BABAM2: variants seen among roughly 807,000 people sequenced by gnomAD.
The protein encoded by BABAM2 is BRISC and BRCA1 A complex member 2, also known as BRISC and BRCA1-A complex member 2.
In BABAM2, 31 loss-of-function variants were observed where a neutral mutation model predicts 54.7. That is an observed-to-expected ratio of 0.57 (90% confidence interval 0.43 to 0.77). The LOEUF (loss-of-function observed/expected upper bound fraction) is 0.77, where lower values mean the gene tolerates loss of function less well. BABAM2 is among the 30% of genes least tolerant of loss of function. The pLI, the probability that BABAM2 is intolerant of heterozygous loss-of-function variation, is 0.00. For synonymous variants in BABAM2, 167 were observed against 162.9 expected, an observed-to-expected ratio of 1.03 and a Z score of -0.19; for missense variants, 364 against 455.8, an observed-to-expected ratio of 0.80 and a Z score of 1.83.
At chr2:27,890,511 T>C, upstream of BABAM2, 1 of 619,276 alleles carries the variant, frequency 1.6e-6, no homozygotes, top group African/African-American at 1.9e-5. This position sits in a 1 kb window ranked among gnomAD's most constrained non-coding sequence, Gnocchi z 4.8. Flanking sequence ...AAGTGTCCCC[T>C]CTTCTTCCTG....
intron 7 of BABAM2, among the ~76,000 whole-genome samples, chr2:28,210,939 C>G (rs1430942603): frequency 6.6e-6 from 1 of 152,154 alleles, no homozygotes; most frequent in Admixed American, 6.5e-5. Flanking sequence ...GTTATTTCAT[C>G]CCAGTGTTAA....
At chr2:28,004,905 C>CATGTTA (rs1266359947) in intron 4 of BABAM2, among the ~76,000 whole-genome samples, 1 of 152,160 alleles carries the variant, frequency 6.6e-6, no homozygotes, top group African/African-American at 2.4e-5. Flanking sequence ...CCAAGGTTAA[C>CATGTTA]ATGAACTTTA....
At chr2:28,018,139 A>C (rs932605466) in intron 4 of BABAM2, among the ~76,000 whole-genome samples, 1 of 152,156 alleles carries the variant, frequency 6.6e-6, no homozygotes, top group Non-Finnish European at 1.5e-5. Context: ...ATTTCTTGCT[A>C]TCCTCACCCT....
At chr2:28,053,372 GA>G (rs1339354758) in intron 6 of BABAM2, among the ~76,000 whole-genome samples, 2 of 152,070 alleles carry the variant, frequency 1.3e-5, no homozygotes, top group African/African-American at 4.8e-5. Flanking sequence ...GGACCATAAA[GA>G]ATTCACACAG....
At chr2:27,912,719 G>A (rs1030953850) in intron 2 of BABAM2, among the ~76,000 whole-genome samples, 2 of 152,156 alleles carry the variant, frequency 1.3e-5, no homozygotes, top group African/African-American at 4.8e-5. Flanking sequence ...TTGCAAGATT[G>A]GATGACCCCT....
intron 4 of BABAM2, among the ~76,000 whole-genome samples, chr2:28,014,105 A>G (rs562862096): frequency 5.3e-5 from 8 of 152,304 alleles, no homozygotes; most frequent in African/African-American, 1.4e-4. Context: ...CTCCATGGCC[A>G]TGTTATGATT....
intron 4 of BABAM2, among the ~76,000 whole-genome samples, chr2:28,001,135 T>C (rs1673549222): frequency 6.6e-6 from 1 of 152,204 alleles, no homozygotes; most frequent in Non-Finnish European, 1.5e-5. Flanking sequence ...TCTATAAATA[T>C]TTGTCTATGT....
In BABAM2 at chr2:27,967,071, A is replaced by C. The variant is rs995768924; in HGVS notation, c.206-20922A>C. 5.3e-5 allele frequency among the ~76,000 whole-genome samples: 8 copies of C among 152,300 alleles called. No individual in the cohort carries two copies. In the South Asian group the frequency reaches 1.7e-3, roughly 32 times the overall value. ...AATTTCATTTCTCCAGGAGAAACAT[A>C]TATTTCTTCATTGAACAGCCAAGCT... On this transcript the variant is annotated intron_variant, in intron 3 of 11. Transcript: ENST00000379624.
At chr2:27,938,302 G>C (rs550365746) in intron 3 of BABAM2, among the ~76,000 whole-genome samples, 1 of 152,212 alleles carries the variant, frequency 6.6e-6, no homozygotes, top group East Asian at 1.9e-4. Context: ...TTTAACAAAT[G>C]TAGTATTCTA....
intron 3 of BABAM2, among the ~76,000 whole-genome samples, chr2:27,937,711 C>T (rs567806111): frequency 3.9e-5 from 6 of 152,166 alleles, no homozygotes; most frequent in African/African-American, 1.4e-4. Context: ...ACATATTAAC[C>T]TCTTGTTAGA....
chr2:28,007,140 G>T (rs1049404206), intron 4 of BABAM2, among the ~76,000 whole-genome samples: 1 of 151,700 alleles, frequency 6.6e-6, no homozygotes, highest in Non-Finnish European at 1.5e-5. Context: ...GTTGATTAAT[G>T]CAGAGTTCCA....
intron 10 of BABAM2, among the ~76,000 whole-genome samples, chr2:28,250,058 T>C (rs868005937): frequency 2.6e-5 from 4 of 152,088 alleles, no homozygotes; most frequent in Non-Finnish European, 2.9e-5. Flanking sequence ...GAATAGAGAA[T>C]AAGAAGGAGA....
At chr2:28,214,665 A>G (rs749277478) in intron 7 of BABAM2, among the ~76,000 whole-genome samples, 3 of 152,262 alleles carry the variant, frequency 2.0e-5, no homozygotes, top group Non-Finnish European at 2.9e-5. Flanking sequence ...CTTGTTCCCA[A>G]TCCTAGGTGG....
intron 3 of BABAM2, among the ~76,000 whole-genome samples, chr2:27,937,839 C>G (rs999462685): frequency 2.0e-5 from 3 of 152,016 alleles, no homozygotes; most frequent in Non-Finnish European, 4.4e-5. Flanking sequence ...TTTGCTTTTG[C>G]TTTCTGTATT....
chr2:27,908,254 C>G (rs757508398), intron 2 of BABAM2, among the ~76,000 whole-genome samples: 1 of 151,828 alleles, frequency 6.6e-6, no homozygotes, highest in Non-Finnish European at 1.5e-5. Context: ...GGTAGGTTCT[C>G]TTTTTTTAAA....
chr2:27,889,590 T>G (rs1355251032), upstream of BABAM2, among the ~76,000 whole-genome samples: 1 of 152,220 alleles, frequency 6.6e-6, no homozygotes, highest in Non-Finnish European at 1.5e-5. Context: ...AACTCAACAA[T>G]TTTCATTTGG....
At chr2:28,028,680 G>A (rs1440016882) in intron 5 of BABAM2, among the ~76,000 whole-genome samples, 3 of 152,122 alleles carry the variant, frequency 2.0e-5, no homozygotes, top group Non-Finnish European at 2.9e-5. Flanking sequence ...AAAAGTTTAG[G>A]TGCTCTTCTC....
chr2:28,266,427 T>A (rs1021742756), intron 10 of BABAM2, among the ~76,000 whole-genome samples: 3 of 152,262 alleles, frequency 2.0e-5, no homozygotes, highest in South Asian at 2.1e-4. Flanking sequence ...ATTCAAAGGC[T>A]CAGCACCTGC....
intron 3 of BABAM2, among the ~76,000 whole-genome samples, chr2:27,965,908 AT>A (rs973607410): frequency 6.9e-6 from 1 of 145,592 alleles, no homozygotes; most frequent in African/African-American, 2.6e-5. Context: ...TCTCTTCATT[AT>A]TTTTTTCTGT....
Sources: gnomAD v4.1 joint callset for allele counts (sites outside exome capture counted in the v4.1 genomes callset) on GRCh38, gnomAD v4.1.1 for gene constraint, Gnocchi (gnomAD v3.1) non-coding constraint, MANE v1.5 for transcripts, NCBI Gene and HGNC (gene_info 2026-07-23, HGNC 2026-07-21) for gene names.